Variants in SCN2A observed in about 807,000 individuals in gnomAD.
The protein encoded by SCN2A is sodium voltage-gated channel alpha subunit 2, also known as sodium channel protein type 2 subunit alpha.
SCN2A carries 20 observed loss-of-function variants against 188.7 expected under a neutral mutation model. That is an observed-to-expected ratio of 0.11 (90% CI 0.07 to 0.15). The LOEUF (loss-of-function observed/expected upper bound fraction) is 0.15, where lower values mean the gene tolerates loss of function less well. SCN2A is among the 10% of genes least tolerant of loss of function. The pLI, the probability that SCN2A is intolerant of heterozygous loss-of-function variation, is 1.00. For synonymous variants in SCN2A, 804 were observed against 833.1 expected (o/e 0.97, Z 0.60); for missense variants, 1,278 against 2,445.0 (o/e 0.52, Z 10.07).
chr2:165,386,714 C>A, intron 25 of SCN2A, 32 bp from the exon 26 acceptor site: 1 of 1,598,866 alleles, frequency 6.3e-7, no homozygotes, highest in Non-Finnish European at 8.6e-7. Flanking sequence ...TTTAAGGTTT[C>A]TAATGGAACT....
chr2:165,346,370 C>T (rs1416472053), intron 16 of SCN2A, among the ~76,000 whole-genome samples: 1 of 152,222 alleles, frequency 6.6e-6, no homozygotes, highest in African/African-American at 2.4e-5. Context: ...GGTCTTTTCA[C>T]ATAGTCCCAT....
chr2:165,317,558 A>T (rs910980663), intron 11 of SCN2A, among the ~76,000 whole-genome samples: 2 of 152,146 alleles, frequency 1.3e-5, no homozygotes, highest in Non-Finnish European at 2.9e-5. Flanking sequence ...CTTACCACAG[A>T]GATTCTCTTC....
chr2:165,326,575 A>G (rs1698370880), intron 12 of SCN2A, among the ~76,000 whole-genome samples: 1 of 152,202 alleles, frequency 6.6e-6, no homozygotes, highest in African/African-American at 2.4e-5. Flanking sequence ...CTAAAAGGTT[A>G]TCTGTCCAGT....
chr2:165,258,093 A>C (rs1001865329), intron 1 of SCN2A, among the ~76,000 whole-genome samples: 5 of 152,134 alleles, frequency 3.3e-5, no homozygotes, highest in Non-Finnish European at 5.9e-5. Context: ...ATAGTTTGCA[A>C]ATATTTTCTC....
chr2:165,246,540 C>T (rs942814082), intron 1 of SCN2A, among the ~76,000 whole-genome samples: 1 of 152,126 alleles, frequency 6.6e-6, no homozygotes, highest in African/African-American at 2.4e-5. Context: ...TCACTGATCT[C>T]GTCATACTTT....
intron 1 of SCN2A, chr2:165,271,892 TATATC>T (rs1420190663): frequency 6.6e-6 from 1 of 152,092 alleles, no homozygotes; most frequent in African/African-American, 2.4e-5. Flanking sequence ...CATATGTAAG[TATATC>T]ATAACTTTTT....
intron 1 of SCN2A, among the ~76,000 whole-genome samples, chr2:165,240,396 C>T (rs1278299201): frequency 6.6e-6 from 1 of 152,022 alleles, no homozygotes; most frequent in Non-Finnish European, 1.5e-5. Context: ...GGTCATGTGA[C>T]ATTATCTGTG....
intron 13 of SCN2A, among the ~76,000 whole-genome samples, chr2:165,328,958 T>TGCATACTCAA (rs1450303471): frequency 6.6e-6 from 1 of 150,750 alleles, no homozygotes; most frequent in African/African-American, 2.4e-5. Flanking sequence ...ATCACATACA[T>TGCATACTCAA]GCATACTCAA....
intron 14 of SCN2A, among the ~76,000 whole-genome samples, chr2:165,341,221 G>A (rs566328856): frequency 6.6e-6 from 1 of 152,292 alleles, no homozygotes; most frequent in South Asian, 2.1e-4. Flanking sequence ...AGCCTCCCGA[G>A]TAGCTAAGAC....
chr2:165,341,636 C>T (rs1699326744), intron 14 of SCN2A, among the ~76,000 whole-genome samples: 1 of 152,140 alleles, frequency 6.6e-6, no homozygotes, highest in Non-Finnish European at 1.5e-5. Context: ...TAAAGGGAAA[C>T]AAAGTTCAGG....
In SCN2A at chr2:165,239,660, T is replaced by C. The variant is rs1364398070; in HGVS notation, c.-52+20T>C. The C allele has an allele frequency of 7.2e-6, 7 of 971,656 alleles. No homozygotes were observed. Among genetic ancestry groups the C allele is most frequent in the Non-Finnish European group, 8.6e-6 (7 of 817,522 alleles). 60.2% of individuals were successfully genotyped at this position (971,656 alleles called of 1,614,324 possible). Reference sequence around the variant, plus strand: ...TTTCAGGTAAGCCAGCATGATTCTATTTTTGACTTATCCACGGATTGTTAT... The same window carrying C: ...TTTCAGGTAAGCCAGCATGATTCTACTTTTGACTTATCCACGGATTGTTAT... On this transcript the variant is annotated intron_variant, in intron 1 of 26. Coordinates refer to ENST00000375437, the MANE Select transcript of SCN2A (RefSeq NM_001040142.2).
chr2:165,379,259 A>G (rs1426963999), intron 23 of SCN2A, among the ~76,000 whole-genome samples: 1 of 151,740 alleles, frequency 6.6e-6, no homozygotes, highest in Non-Finnish European at 1.5e-5. Context: ...AAATGAATGA[A>G]TACCGCCATA....
chr2:165,341,155 G>A (rs1260026302), intron 14 of SCN2A, among the ~76,000 whole-genome samples: 1 of 152,060 alleles, frequency 6.6e-6, no homozygotes, highest in Non-Finnish European at 1.5e-5. Context: ...GTGCAGTGGC[G>A]CTATCTCGGC....
intron 17 of SCN2A, among the ~76,000 whole-genome samples, chr2:165,360,393 A>G (rs1202363433): frequency 6.6e-6 from 1 of 152,020 alleles, no homozygotes; most frequent in African/African-American, 2.4e-5. Flanking sequence ...ATCTAAAAAT[A>G]CAAAATGAAG....
chr2:165,239,517 G>A lies in SCN2A; in HGVS notation c.-175G>A, dbSNP rs1693525879. On this transcript the variant is annotated 5_prime_UTR_variant, in exon 1 of 27. Transcript: ENST00000375437. ...TCTTGTTTTTTTCTTCTTTAATGAG[G>A]ATAGAGCACATGTGAGATTTTACTT... 1 of 443,908 alleles carries A rather than the reference G, an allele frequency of 2.3e-6. No homozygotes were observed. The highest frequency in any genetic ancestry group is 3.0e-6 in the Non-Finnish European group (1 of 335,426). The allele number at this position is 443,908 out of a possible 1,614,324, so 27.5% of individuals were successfully genotyped here. A position where few individuals can be genotyped will look rare whatever the true frequency, so the allele number is the denominator to read the frequency against.
chr2:165,302,983 T>G (rs1696905640), intron 3 of SCN2A, among the ~76,000 whole-genome samples: 1 of 152,220 alleles, frequency 6.6e-6, no homozygotes, highest in Non-Finnish European at 1.5e-5. Flanking sequence ...AAAAAACATC[T>G]TTGTCCCCTG....
intron 16 of SCN2A, among the ~76,000 whole-genome samples, chr2:165,351,260 A>G (rs919446936): frequency 1.3e-5 from 2 of 152,208 alleles, no homozygotes; most frequent in Non-Finnish European, 2.9e-5. Context: ...CGCGGTTTCA[A>G]AACTGTGTCA....
intron 12 of SCN2A, among the ~76,000 whole-genome samples, chr2:165,324,727 A>C (rs1176519292): frequency 6.6e-6 from 1 of 152,230 alleles, no homozygotes; most frequent in East Asian, 1.9e-4. Flanking sequence ...CCAATTTTAC[A>C]GAGGAGGAAA....
intron 23 of SCN2A, among the ~76,000 whole-genome samples, chr2:165,378,765 G>T (rs887209923): frequency 2.0e-5 from 3 of 148,106 alleles, no homozygotes. Context: ...GACCTTTTCC[G>T]CTGCAAAACT....
Sources: gnomAD v4.1 joint callset for allele counts (sites outside exome capture counted in the v4.1 genomes callset) on GRCh38, gnomAD v4.1.1 for gene constraint, MANE v1.5 for transcripts, NCBI Gene and HGNC (gene_info 2026-07-23, HGNC 2026-07-21) for gene names.